AP4M1: variants seen among roughly 807,000 people sequenced by gnomAD.
The protein encoded by AP4M1 is AP-4 complex subunit mu-1.
Under a neutral mutation model 62.4 loss-of-function variants are expected in AP4M1, and 58 were observed. The observed-to-expected ratio is 0.93, with a 90% CI of 0.75 to 1.16. The LOEUF (loss-of-function observed/expected upper bound fraction) is 1.16, where lower values mean the gene tolerates loss of function less well. Ranked by LOEUF, AP4M1 falls within the 50% of genes most tolerant of loss-of-function variation. AP4M1 has a pLI of 0.00. For missense variants in AP4M1, 626 were observed against 585.4 expected (o/e 1.07, Z -0.72); for synonymous variants, 290 against 239.7 (o/e 1.21, Z -1.94).
Position 100,106,263 on chromosome 7 carries a change from C to T in AP4M1, c.997C>T (p.His333Tyr), listed in dbSNP as rs1474003106. 1.2e-6 allele frequency: 2 copies of T among 1,614,126 alleles called. No homozygotes were observed. The highest frequency in any genetic ancestry group is 1.3e-5 in the African/African-American group (1 of 75,048). The part of the protein sequence containing the change: ...SKSQALNVRL[H>Y]LPLPRGVVSL... ...TAGCCAAGCCCTCAATGTCAGGCTG[C>T]ACCTCCCCCTGCCTCGAGGGGTGGT... The change falls in exon 13 of 15, where the codon CAC (histidine) becomes TAC (tyrosine). Residue 333 changes from histidine to tyrosine, a missense_variant. His to Tyr is a moderately conservative substitution (Grantham distance 83). Transcript: ENST00000359593.
rs562369956 is a variant in AP4M1 at position 100,108,100 on chromosome 7, C to T, written c.*1218C>T. On this transcript the variant is annotated 3_prime_UTR_variant, in exon 15 of 15. Coordinates refer to ENST00000359593, the MANE Select transcript of AP4M1 (RefSeq NM_004722.4). ...TGCGAGGGCCAGGCTGTGGGGCCTG[C>T]GAGAGGGTCAGCGTGGGCCGGGGCT... 75 of 1,606,826 alleles carry T rather than the reference C, an allele frequency of 4.7e-5. No homozygotes were observed. The South Asian group carries it at 5.4e-4, about 12-fold the overall frequency.
rs988727250 is a variant in AP4M1 at position 100,102,956 on chromosome 7, T to C, written c.347T>C (p.Val116Ala). The stretch of plus-strand genomic sequence containing the variant: ...CTGGTATACGAACTCCTGGATGAAG[T>C]GCTGGTGAGAATCAACAATCCCCTT... Reference protein sequence around the residue: ...VALVYELLDEVLDYGYVQTTS... With the variant: ...VALVYELLDEALDYGYVQTTS... The change falls in exon 4 of 15, where the codon GTG becomes GCG. Residue 116 changes from valine (V) to alanine (A), a missense_variant. Physicochemically the swap from Val to Ala is moderately conservative, Grantham distance 64. Transcript: ENST00000359593. The C allele has an allele frequency of 1.9e-5, 31 of 1,613,552 alleles. No individual in the cohort carries two copies. The highest frequency in any genetic ancestry group is 2.7e-5 in the African/African-American group (2 of 74,840).
rs368173452 is a variant in AP4M1, at chr7:100,107,225, C to T, written c.*343C>T. The T allele has an allele frequency of 4.1e-5, 62 of 1,518,794 alleles. No homozygotes were observed. The highest frequency in any genetic ancestry group is 9.1e-5 in the East Asian group (4 of 44,134). 94.1% of individuals were successfully genotyped at this position (1,518,794 alleles called of 1,614,324 possible). The stretch of plus-strand genomic sequence containing the variant: ...GTACATGTCTGCATGTGTGGGAATC[C>T]GGGGGCTGGCAGGTGGAGCATCACG... On this transcript the variant is annotated 3_prime_UTR_variant, in exon 15 of 15. Coordinates refer to ENST00000359593, the MANE Select transcript of AP4M1 (RefSeq NM_004722.4).
intron 8 of AP4M1, 27 bp from the exon 9 acceptor site, chr7:100,105,018 C>T (rs774947350): frequency 9.3e-6 from 15 of 1,613,994 alleles, no homozygotes; most frequent in Admixed American, 8.3e-5. Context: ...CATTGCTGAG[C>T]TCTCCTGATG....
chr7:100,105,029 G>A lies in AP4M1; in HGVS notation c.674-16G>A, dbSNP rs1554380033. ...ATGGCATTGCTGAGCTCTCCTGATG[G>A]TCTCTCCTCCGACAGAGATGCGCAT... On this transcript the variant is annotated splice_polypyrimidine_tract_variant and intron_variant, in intron 8 of 14. Coordinates refer to ENST00000359593, the MANE Select transcript of AP4M1 (RefSeq NM_004722.4). The A allele has an allele frequency of 6.2e-7, 1 of 1,614,142 alleles. No homozygotes were observed.
chr7:100,103,695 G>A lies in AP4M1; in HGVS notation c.543+3G>A, dbSNP rs1320423089. ...TCCTGTCCAGTCGCTCTGACCAGGTGAGGGAAGGATCCATGGGGTCAGACG... is the reference window on the plus strand; with the variant it reads ...TCCTGTCCAGTCGCTCTGACCAGGTAAGGGAAGGATCCATGGGGTCAGACG... On this transcript the variant is annotated splice_donor_region_variant and intron_variant, in intron 6 of 14. Coordinates refer to ENST00000359593, the MANE Select transcript of AP4M1 (RefSeq NM_004722.4). 3 of 1,611,520 alleles carry A rather than the reference G, an allele frequency of 1.9e-6. No homozygotes were observed. The highest frequency in any genetic ancestry group is 1.1e-5 in the South Asian group (1 of 91,014).
Position 100,104,001 on chromosome 7 carries a change from G to A in AP4M1, c.544-91G>A. On this transcript the variant is annotated intron_variant, in intron 6 of 14. Transcript: ENST00000359593. ...CCCATGTCCTCACCCTAGAGCTGTAGCTTTGACTGTCCTGTTCTTTCTCCC... is the reference window on the plus strand; with the variant it reads ...CCCATGTCCTCACCCTAGAGCTGTAACTTTGACTGTCCTGTTCTTTCTCCC... The A allele has an allele frequency of 2.5e-6, 3 of 1,178,598 alleles. No homozygotes were observed. The South Asian group carries it at 3.8e-5, about 15-fold the overall frequency. 73.0% of individuals were successfully genotyped at this position (1,178,598 alleles called of 1,614,324 possible).
chr7:100,107,785 C>A lies in AP4M1; in HGVS notation c.*903C>A. 7.3e-7 allele frequency: 1 copy of A among 1,373,454 alleles called. No homozygotes were observed. The highest frequency in any genetic ancestry group is 9.8e-7 in the Non-Finnish European group (1 of 1,024,534). The allele number at this position is 1,373,454 out of a possible 1,614,324, so 85.1% of individuals were successfully genotyped here. A position where few individuals can be genotyped will look rare whatever the true frequency, so the allele number is the denominator to read the frequency against. Reference sequence around the variant, plus strand: ...CCTTGTTCATGCAGGGCAGCTACAGCCCTGCAGGACCCTGGTGGGCGCCTC... The same window carrying A: ...CCTTGTTCATGCAGGGCAGCTACAGACCTGCAGGACCCTGGTGGGCGCCTC... On this transcript the variant is annotated 3_prime_UTR_variant, in exon 15 of 15. Coordinates refer to ENST00000359593, the MANE Select transcript of AP4M1 (RefSeq NM_004722.4).
chr7:100,104,123 TCG>T lies in AP4M1; in HGVS notation c.576_577del (p.Arg194IlefsTer8), dbSNP rs1796281543. ...AAGAATGAAGTTTTTTTGGATGTGGTCGAGAGATTGTCTGTACTGATAGCATC... is the reference window on the plus strand; with the variant it reads ...AAGAATGAAGTTTTTTTGGATGTGGTAGAGATTGTCTGTACTGATAGCATC... On this transcript the variant is annotated frameshift_variant, in exon 7 of 15. Transcript: ENST00000359593. LOFTEE classifies it high-confidence loss of function. The T allele has an allele frequency of 6.2e-7, 1 of 1,613,954 alleles. No individual in the cohort carries two copies. The highest frequency in any genetic ancestry group is 8.5e-7 in the Non-Finnish European group (1 of 1,180,022).
rs1796427605 is a variant in AP4M1 at position 100,105,846 on chromosome 7, C to T, written c.930-113C>T. ...TTGGGCTGGGCTTCAGCCCTTTTCC[C>T]TCTTGGGAGTACAGCCCACACCCAC... On this transcript the variant is annotated intron_variant, in intron 11 of 14. Transcript: ENST00000359593. 4 of 1,311,930 alleles carry T rather than the reference C, an allele frequency of 3.0e-6. No homozygotes were observed. The Admixed American group carries it at 5.0e-5, about 17-fold the overall frequency. 81.3% of individuals were successfully genotyped at this position (1,311,930 alleles called of 1,614,324 possible).
Position 100,107,305 on chromosome 7 carries a change from C to G in AP4M1, c.*423C>G. 4.6e-6 allele frequency: 7 copies of G among 1,528,882 alleles called. No homozygotes were observed. Among genetic ancestry groups the G allele is most frequent in the South Asian group, 1.3e-5 (1 of 76,800 alleles). The allele number at this position is 1,528,882 out of a possible 1,614,324, so 94.7% of individuals were successfully genotyped here. ...TGGGAGCCATTGGCTTTTGGAGTCCCTGGAGCTGGAGGGGGACTGTCCCCA... is the reference window on the plus strand; with the variant it reads ...TGGGAGCCATTGGCTTTTGGAGTCCGTGGAGCTGGAGGGGGACTGTCCCCA... On this transcript the variant is annotated 3_prime_UTR_variant, in exon 15 of 15. Coordinates refer to ENST00000359593, the MANE Select transcript of AP4M1 (RefSeq NM_004722.4).
In AP4M1 at chr7:100,106,738, T is replaced by C; in HGVS notation, c.1218T>C (p.Ser406=). ...CTCCTCTGGGGCTGGGCCCTGCCAG[T>C]CTCTCCTTCGAGCTTCCCCGGCACA... ...SASPLGLGPA[S]LSFELPRHTC... The change falls in exon 15 of 15, where the codon AGT becomes AGC. Residue 406 remains serine (S), a synonymous_variant. Coordinates refer to ENST00000359593, the MANE Select transcript of AP4M1 (RefSeq NM_004722.4). 1 of 1,613,964 alleles carries C rather than the reference T, an allele frequency of 6.2e-7. No homozygotes were observed. Among genetic ancestry groups the C allele is most frequent in the East Asian group, 2.2e-5 (1 of 44,876 alleles).
In AP4M1 at chr7:100,106,452, G is replaced by A. The variant is rs1256382742; in HGVS notation, c.1075G>A (p.Gly359Arg). 1.9e-6 allele frequency: 3 copies of A among 1,613,938 alleles called. No homozygotes were observed. Among genetic ancestry groups the A allele is most frequent in the African/African-American group, 2.7e-5 (2 of 75,054 alleles). The change falls in exon 14 of 15, where the codon GGA becomes AGA. Residue 359 changes from glycine (G) to arginine (R), a missense_variant. Transcript: ENST00000359593. ...AGAGCAGAAGGCTGAGCTGGCAGAG[G>A]GAGCCCTTCGCTGGGACCTGCCTCG... Reference protein sequence around the residue: ...SPEQKAELAEGALRWDLPRVQ... With the variant: ...SPEQKAELAERALRWDLPRVQ...
At chr7:100,102,435 G>T in intron 2 of AP4M1, 1 of 569,692 alleles carries the variant, frequency 1.8e-6, no homozygotes, top group Non-Finnish European at 3.1e-6. Context: ...GTCAATGGGC[G>T]CCAGCAACAC....
chr7:100,103,887 CAAAAA>C (rs10671291), intron 6 of AP4M1, among the ~76,000 whole-genome samples, 195 bp downstream of exon 6: 1 of 92,038 alleles, frequency 1.1e-5, no homozygotes, highest in Non-Finnish European at 2.1e-5. Flanking sequence ...ACTAAAAATG[CAAAAA>C]AAAAAAAAAA....
intron 12 of AP4M1, 32 bp downstream of exon 12, chr7:100,106,035 C>A: frequency 6.2e-7 from 1 of 1,613,156 alleles, no homozygotes; most frequent in Non-Finnish European, 8.5e-7. Flanking sequence ...CTGAGTTCAG[C>A]TCTATGGGAC....
chr7:100,108,770 C>T lies in AP4M1; in HGVS notation c.*1888C>T, dbSNP rs1175394910. The T allele has an allele frequency of 4.7e-6, 2 of 428,654 alleles. No homozygotes were observed. The highest frequency in any genetic ancestry group is 8.3e-6 in the Non-Finnish European group (2 of 240,808). The allele number at this position is 428,654 out of a possible 1,614,324, so 26.6% of individuals were successfully genotyped here. On this transcript the variant is annotated 3_prime_UTR_variant, in exon 15 of 15. Transcript: ENST00000359593. The stretch of plus-strand genomic sequence containing the variant: ...ATGGGCACGGGGCCAGGTGCAGCAT[C>T]TTAGGCCTGTATCCCAGCACTTGGG...
rs1796811205 is a variant in AP4M1, at chr7:100,108,526, A to G, written c.*1644A>G. On this transcript the variant is annotated 3_prime_UTR_variant, in exon 15 of 15. Transcript: ENST00000359593. ...GCGGTGGGCGCAGCTTTGCCAGAAC[A>G]GGAGCACAGTGTTTCTGCAGAACAG... 6.2e-7 allele frequency: 1 copy of G among 1,609,892 alleles called. No homozygotes were observed. Among genetic ancestry groups the G allele is most frequent in the Non-Finnish European group, 8.5e-7 (1 of 1,176,886 alleles).
intron 6 of AP4M1, 99 bp downstream of exon 6, chr7:100,103,791 C>CAA: frequency 7.3e-7 from 1 of 1,369,246 alleles, no homozygotes; most frequent in Non-Finnish European, 1.0e-6. Context: ...CCTGTAGTCC[C>CAA]AGCACTTTGG....
Sources: allele counts gnomAD v4.1 joint callset (sites outside exome capture counted in the v4.1 genomes callset), GRCh38; gene constraint gnomAD v4.1.1; transcripts MANE v1.5; gene names NCBI Gene and HGNC (gene_info 2026-07-23, HGNC 2026-07-21).